The following PCDH15 variants were observed in gnomAD, a reference collection of about 807,000 sequenced individuals.
PCDH15 encodes protocadherin-15.
In PCDH15, 129 loss-of-function variants were observed where a neutral mutation model predicts 178.5. That is an observed-to-expected ratio of 0.72 (90% CI 0.63 to 0.84). The LOEUF is 0.84. Among genes scored for constraint, PCDH15 ranks in the 40% least tolerant of loss-of-function variants. The pLI is 0.00. For missense variants in PCDH15, 2,230 were observed against 2,099.9 expected (o/e 1.06, Z -1.21); for synonymous variants, 800 against 732.0 (o/e 1.09, Z -1.50).
At chr10:54,137,146 T>G (rs1219121102) in intron 14 of PCDH15, among the ~76,000 whole-genome samples, 1 of 152,212 alleles carries the variant, frequency 6.6e-6, no homozygotes, top group Non-Finnish European at 1.5e-5. Context: ...CAGCATCATT[T>G]AAGCACTTAA....
chr10:54,840,252 T>A (rs1233246625), intron 3 of PCDH15, among the ~76,000 whole-genome samples: 1 of 151,994 alleles, frequency 6.6e-6, no homozygotes, highest in Non-Finnish European at 1.5e-5. Context: ...ACTACAATCA[T>A]TTTTTAATGG....
At chr10:53,980,741 G>A (rs963894555) in intron 21 of PCDH15, among the ~76,000 whole-genome samples, 1 of 152,088 alleles carries the variant, frequency 6.6e-6, no homozygotes, top group African/African-American at 2.4e-5. Flanking sequence ...TAATTTTTAT[G>A]AGTTAAACAA....
chr10:54,231,665 C>A (rs1031664718), intron 9 of PCDH15, among the ~76,000 whole-genome samples: 6 of 152,234 alleles, frequency 3.9e-5, no homozygotes, highest in African/African-American at 7.2e-5. Flanking sequence ...TGGGGCTGTA[C>A]TGTGCAAAGC....
intron 2 of PCDH15, among the ~76,000 whole-genome samples, chr10:54,983,766 T>C (rs1021177166): frequency 1.1e-4 from 16 of 152,126 alleles, no homozygotes; most frequent in Non-Finnish European, 2.4e-4. Flanking sequence ...GCTATTTCTT[T>C]TGGTGGGATC....
intron 1 of PCDH15, among the ~76,000 whole-genome samples, chr10:54,745,030 C>CAT (rs1365059536): frequency 6.6e-6 from 1 of 151,942 alleles, no homozygotes; most frequent in African/African-American, 2.4e-5. Flanking sequence ...TCATGCGTAA[C>CAT]ATATATTTTA....
At chr10:55,132,502 G>C (rs1838079962) in intron 2 of PCDH15, among the ~76,000 whole-genome samples, 1 of 152,104 alleles carries the variant, frequency 6.6e-6, no homozygotes, top group Non-Finnish European at 1.5e-5. Context: ...TAGCACTAAA[G>C]TAAGTTCCTG....
At chr10:54,492,165 A>G (rs1390267787) in intron 3 of PCDH15, among the ~76,000 whole-genome samples, 1 of 152,198 alleles carries the variant, frequency 6.6e-6, no homozygotes, top group Non-Finnish European at 1.5e-5. Context: ...TTAAAATGTC[A>G]GTATCATACA....
At chr10:55,429,923 T>C (rs1201812665) in intron 2 of PCDH15, among the ~76,000 whole-genome samples, 1 of 152,198 alleles carries the variant, frequency 6.6e-6, no homozygotes, top group African/African-American at 2.4e-5. Flanking sequence ...ATAGTTTTAA[T>C]TCCCCAAATC....
chr10:55,340,810 T>C (rs182546632), intron 2 of PCDH15, among the ~76,000 whole-genome samples: 1 of 152,084 alleles, frequency 6.6e-6, no homozygotes, highest in African/African-American at 2.4e-5. Context: ...CAAACATTTA[T>C]ACTTCTCAAG....
chr10:55,591,250 T>G (rs1842837030), intron 2 of PCDH15, among the ~76,000 whole-genome samples: 1 of 151,986 alleles, frequency 6.6e-6, no homozygotes, highest in Non-Finnish European at 1.5e-5. Flanking sequence ...CTGTACAACA[T>G]AGTAATACCC....
At chr10:55,294,072 G>T (rs1843077287) in intron 1 of PCDH15, among the ~76,000 whole-genome samples, 1 of 152,120 alleles carries the variant, frequency 6.6e-6, no homozygotes, top group Non-Finnish European at 1.5e-5. Flanking sequence ...AGGTCTCATA[G>T]TCATGGCAGA....
chr10:54,785,210 T>A (rs1950743348), intron 1 of PCDH15, among the ~76,000 whole-genome samples: 1 of 151,968 alleles, frequency 6.6e-6, no homozygotes, highest in Non-Finnish European at 1.5e-5. Context: ...AAACTTTTGG[T>A]GATCAGAAAA....
Position 54,380,643 on chromosome 10 carries a change from GTATATA to G in PCDH15, c.158-1707_158-1702del, listed in dbSNP as rs59953769. On this transcript the variant is annotated intron_variant, in intron 3 of 37. Coordinates refer to ENST00000644397, the MANE Select transcript of PCDH15 (RefSeq NM_001384140.1). ...AAATCTTCTGATTGTGTGTATGCAT[GTATATA>G]TATATATATATATATATATATGCTC... is the stretch of plus-strand genomic sequence containing the variant. Among the ~76,000 whole-genome samples, 57 of 15,300 alleles carry G rather than the reference GTATATA, an allele frequency of 3.7e-3. 1 individual carries two copies. The highest frequency in any genetic ancestry group is 0.023 in the South Asian group (13 of 562). The allele number at this position is 15,300 out of a possible 152,430, so 10.0% of individuals were successfully genotyped here. A position where few individuals can be genotyped will look rare whatever the true frequency, so the allele number is the denominator to read the frequency against.
At chr10:55,238,259 C>G (rs1272035319) in intron 1 of PCDH15, among the ~76,000 whole-genome samples, 1 of 151,024 alleles carries the variant, frequency 6.6e-6, no homozygotes, top group East Asian at 2.0e-4. Context: ...ACGCCATTCT[C>G]CTGCCTCAGC....
chr10:54,828,575 T>C (rs560165921), intron 3 of PCDH15, among the ~76,000 whole-genome samples: 24 of 152,144 alleles, frequency 1.6e-4, no homozygotes, highest in African/African-American at 5.5e-4. Context: ...ATGCATTTTC[T>C]ATCCTCTTAA....
chr10:54,773,068 T>C (rs921256467), intron 1 of PCDH15, among the ~76,000 whole-genome samples: 2 of 141,022 alleles, frequency 1.4e-5, no homozygotes, highest in African/African-American at 2.7e-5. Flanking sequence ...CACGGACACA[T>C]GGGGAACAAC....
chr10:55,104,994 G>A (rs995732378), intron 2 of PCDH15, among the ~76,000 whole-genome samples: 1 of 152,146 alleles, frequency 6.6e-6, no homozygotes, highest in East Asian at 1.9e-4. Flanking sequence ...AATAGCAACA[G>A]GAGGTGGCCA....
At chr10:54,240,878 G>A (rs142219000) in intron 8 of PCDH15, among the ~76,000 whole-genome samples, 8,298 of 151,938 alleles carry the variant, frequency 0.055, 561 homozygotes, top group African/African-American at 0.17. Flanking sequence ...TGATTCACCC[G>A]CCTTGGCCTC....
intron 1 of PCDH15, among the ~76,000 whole-genome samples, chr10:55,290,361 CCT>C (rs1842978106): frequency 6.7e-6 from 1 of 150,198 alleles, no homozygotes; most frequent in Non-Finnish European, 1.5e-5. Context: ...TTAGAGATCA[CCT>C]CTGCTATTGA....
Sources: allele counts gnomAD v4.1 joint callset (sites outside exome capture counted in the v4.1 genomes callset), GRCh38; gene constraint gnomAD v4.1.1; transcripts MANE v1.5; gene names NCBI Gene and HGNC (gene_info 2026-07-23, HGNC 2026-07-21).